Variants in API5 observed in about 807,000 individuals in gnomAD.
API5 encodes the protein FIF.
API5 carries 6 observed loss-of-function variants against 71.9 expected under a neutral mutation model. The ratio of observed to expected loss-of-function variants is 0.08; its 90% CI spans 0.05 to 0.16. The LOEUF (loss-of-function observed/expected upper bound fraction) is 0.16. API5 is among the 10% of genes least tolerant of loss of function. The probability of loss-of-function intolerance (pLI) is 1.00; values close to 1 mark genes in which losing one functional copy is unlikely to be tolerated. For synonymous variants in API5, 189 were observed against 221.3 expected, an observed-to-expected ratio of 0.85 and a Z score of 1.30; for missense variants, 332 against 612.8, an observed-to-expected ratio of 0.54 and a Z score of 4.84.
intron 7 of API5, among the ~76,000 whole-genome samples, chr11:43,326,882 A>G (rs1265135759): frequency 6.6e-6 from 1 of 152,232 alleles, no homozygotes; most frequent in Non-Finnish European, 1.5e-5. Flanking sequence ...TGTTTAATTC[A>G]TTCATTTCTA....
At chr11:43,331,115 A>G (rs1855237762) in intron 11 of API5, 1 of 152,862 alleles carries the variant, frequency 6.5e-6, no homozygotes, top group Non-Finnish European at 1.5e-5. Context: ...CTAGAGCAGT[A>G]GCCTGCCAGT....
intron 11 of API5, chr11:43,332,186 C>T (rs72898975): frequency 3.9e-5 from 6 of 152,286 alleles, no homozygotes; most frequent in African/African-American, 7.2e-5. Flanking sequence ...TCCTGCTATA[C>T]TCTCACAGTG....
intron 5 of API5, among the ~76,000 whole-genome samples, chr11:43,322,468 T>C (rs369261281): frequency 9.9e-5 from 15 of 152,148 alleles, no homozygotes; most frequent in African/African-American, 3.1e-4. Context: ...GGATACTCTC[T>C]CATAGTATTC....
intron 11 of API5, among the ~76,000 whole-genome samples, chr11:43,333,613 G>C (rs1031819810): frequency 2.6e-5 from 4 of 152,120 alleles, no homozygotes; most frequent in Admixed American, 2.6e-4. Flanking sequence ...AATACAGATA[G>C]ATATATGACT....
intron 11 of API5, among the ~76,000 whole-genome samples, chr11:43,332,701 C>CA (rs2134372703): frequency 6.6e-6 from 1 of 152,278 alleles, no homozygotes; most frequent in East Asian, 1.9e-4. Context: ...TATACACACA[C>CA]ACACAGAGTC....
intron 13 of API5, among the ~76,000 whole-genome samples, chr11:43,338,127 TAGAA>T (rs1855495765): frequency 2.0e-5 from 3 of 152,178 alleles, no homozygotes; most frequent in South Asian, 2.1e-4. Flanking sequence ...TTCTTCTTAT[TAGAA>T]AGAAGAGTGA....
At chr11:43,322,233 A>C in intron 5 of API5, 97 bp downstream of exon 5, 1 of 1,224,148 alleles carries the variant, frequency 8.2e-7, no homozygotes, top group African/African-American at 1.5e-5. Flanking sequence ...CTTGTGTATA[A>C]AATGATATAT....
At chr11:43,333,890 C>T (rs907171720) in intron 11 of API5, among the ~76,000 whole-genome samples, 3 of 152,088 alleles carry the variant, frequency 2.0e-5, no homozygotes, top group Non-Finnish European at 4.4e-5. Context: ...TTGGGAGAAC[C>T]TGAAATTTTA....
chr11:43,317,134 C>T (rs1854700216), intron 1 of API5, among the ~76,000 whole-genome samples: 1 of 152,174 alleles, frequency 6.6e-6, no homozygotes, highest in Non-Finnish European at 1.5e-5. Flanking sequence ...ACTCCTTATA[C>T]ATAATAAATA....
In API5 at chr11:43,342,751, T is replaced by G; in HGVS notation, c.*241T>G. 1.6e-6 allele frequency: 1 copy of G among 630,600 alleles called. No homozygotes were observed. The highest frequency in any genetic ancestry group is 2.8e-6 in the Non-Finnish European group (1 of 351,642). 39.1% of individuals were successfully genotyped at this position (630,600 alleles called of 1,614,324 possible). ...ATCTTGACTTGTTTTTGCAGTATCA[T>G]TATTCAGACTTCAAATTGTGAATCT... is the stretch of plus-strand genomic sequence containing the variant. On this transcript the variant is annotated 3_prime_UTR_variant, in exon 14 of 14. Transcript: ENST00000531273.
chr11:43,312,270 C>T lies in API5; in HGVS notation c.69+74C>T. ...TTCGAAAGCGCTTCCCGCCGCACTC[C>T]CCGGGCCGAGCGGGGGCTGCGGCTT... On this transcript the variant is annotated intron_variant, in intron 1 of 13. Transcript: ENST00000531273. 2.6e-6 allele frequency: 4 copies of T among 1,514,192 alleles called. No individual in the cohort carries two copies. The South Asian group carries it at 3.5e-5, about 13-fold the overall frequency. The allele number at this position is 1,514,192 out of a possible 1,614,324, so 93.8% of individuals were successfully genotyped here.
At chr11:43,334,256 T>C (rs773821721) in intron 11 of API5, among the ~76,000 whole-genome samples, 6 of 152,206 alleles carry the variant, frequency 3.9e-5, no homozygotes, top group African/African-American at 7.2e-5. Context: ...AACTTCATTT[T>C]TATTTTAATG....
chr11:43,323,204 A>C (rs1032832832), intron 5 of API5, among the ~76,000 whole-genome samples: 2 of 152,142 alleles, frequency 1.3e-5, no homozygotes, highest in South Asian at 2.1e-4. Context: ...TTTGTACGTA[A>C]AAAAGTAACA....
chr11:43,333,470 T>A (rs1400670426), intron 11 of API5, among the ~76,000 whole-genome samples: 1 of 152,118 alleles, frequency 6.6e-6, no homozygotes, highest in African/African-American at 2.4e-5. Context: ...AGGCATAAAC[T>A]GAGGTGCTAA....
intron 13 of API5, among the ~76,000 whole-genome samples, chr11:43,340,580 T>C (rs1855577283): frequency 6.6e-6 from 1 of 151,678 alleles, no homozygotes; most frequent in Non-Finnish European, 1.5e-5. Context: ...GGCATAAAAA[T>C]AGATACAGAG....
intron 1 of API5, among the ~76,000 whole-genome samples, chr11:43,315,363 G>A (rs189852565): frequency 1.3e-3 from 198 of 152,066 alleles, no homozygotes; most frequent in Non-Finnish European, 2.4e-3. Context: ...AAATTATAAC[G>A]TCTCAAGGGT....
chr11:43,330,617 T>C, intron 11 of API5, 53 bp downstream of exon 11: 1 of 1,380,916 alleles, frequency 7.2e-7, no homozygotes. Flanking sequence ...AATCATACAT[T>C]TATTTATTTA....
chr11:43,316,288 C>A (rs1314390820), intron 1 of API5, among the ~76,000 whole-genome samples: 1 of 152,124 alleles, frequency 6.6e-6, no homozygotes, highest in Non-Finnish European at 1.5e-5. Context: ...ATCACTCAGT[C>A]CCTGGTAGAC....
intron 11 of API5, 86 bp downstream of exon 11, chr11:43,330,650 C>A: frequency 1.9e-6 from 2 of 1,074,520 alleles, no homozygotes; most frequent in Non-Finnish European, 2.8e-6. Context: ...AAGATACTTC[C>A]AACAAAGGGA....
Sources: gnomAD v4.1 joint callset for allele counts (sites outside exome capture counted in the v4.1 genomes callset) on GRCh38, gnomAD v4.1.1 for gene constraint, MANE v1.5 for transcripts, NCBI Gene and HGNC (gene_info 2026-07-23, HGNC 2026-07-21) for gene names.